Variants in TACC2 observed in about 807,000 individuals in gnomAD.
The protein encoded by TACC2 is transforming acidic coiled-coil-containing protein 2.
Under a neutral mutation model 227.3 loss-of-function variants are expected in TACC2, and 137 were observed. The ratio of observed to expected loss-of-function variants is 0.60; its 90% CI spans 0.52 to 0.69. The LOEUF (loss-of-function observed/expected upper bound fraction) is 0.69, where lower values mean the gene tolerates loss of function less well. Among genes scored for constraint, TACC2 ranks in the 30% least tolerant of loss-of-function variants. The probability of loss-of-function intolerance (pLI) is 0.00; values close to 1 mark genes in which losing one functional copy is unlikely to be tolerated. For missense variants in TACC2, 3,470 were observed against 3,694.4 expected (o/e 0.94, Z 1.57); for synonymous variants, 1,523 against 1,487.5 (o/e 1.02, Z -0.55).
At chr10:122,227,780 A>C in intron 13 of TACC2, 57 bp from the exon 14 acceptor site, 1 of 1,547,960 alleles carries the variant, frequency 6.5e-7, no homozygotes, top group Non-Finnish European at 8.8e-7. Context: ...ATCCTGGTTG[A>C]TTTCAGTGGG....
At chr10:122,164,102 G>C (rs2093001862) in intron 7 of TACC2, 1 of 1,347,318 alleles carries the variant, frequency 7.4e-7, no homozygotes, top group Non-Finnish European at 1.0e-6. Context: ...GCCCAGGCTG[G>C]CCTGGGGTTC....
In TACC2 at chr10:122,083,301, G is replaced by T. The variant is rs768595912; in HGVS notation, c.801G>T (p.Glu267Asp). 6.2e-7 allele frequency: 1 copy of T among 1,613,870 alleles called. No individual in the cohort carries two copies. Among genetic ancestry groups the T allele is most frequent in the African/African-American group, 1.3e-5 (1 of 74,912 alleles). Residue 267 changes from glutamate to aspartate, a missense_variant, in exon 4 of 23, where the codon GAG becomes GAT. This residue lies in a region of TACC2 where 405 missense variants were observed against 389.6 expected (regional missense o/e 1.04). Coordinates refer to ENST00000369005, the MANE Select transcript of TACC2 (RefSeq NM_206862.4). ...GCACAGAAAGCTCAGCGGTCTTGGA[G>T]AAGTCCCCCCTAAAACCCATGGCCC... Reference protein sequence around the residue: ...QQGTESSAVLEKSPLKPMAPI... With the variant: ...QQGTESSAVLDKSPLKPMAPI...
chr10:122,106,546 G>A (rs976853446), intron 5 of TACC2, among the ~76,000 whole-genome samples: 6 of 152,212 alleles, frequency 3.9e-5, no homozygotes. Context: ...CAAATGCATA[G>A]CAAAGCATTA....
intron 2 of TACC2, among the ~76,000 whole-genome samples, chr10:122,041,308 TTTCCCAATA>T (rs142286593): frequency 0.079 from 12,084 of 152,046 alleles, 585 homozygotes; most frequent in East Asian, 0.18. Flanking sequence ...ACAGGGAGCA[TTTCCCAATA>T]TTCCACAGGC....
intron 16 of TACC2, among the ~76,000 whole-genome samples, chr10:122,230,867 C>T (rs1219643781): frequency 2.6e-5 from 4 of 152,036 alleles, no homozygotes; most frequent in Admixed American, 2.6e-4. Flanking sequence ...CTATTTTCTG[C>T]AAGTTAACAT....
At chr10:122,200,184 A>G (rs991907654) in intron 8 of TACC2, among the ~76,000 whole-genome samples, 6 of 152,128 alleles carry the variant, frequency 3.9e-5, no homozygotes, top group African/African-American at 1.4e-4. Context: ...ACCACTGGAG[A>G]TTCTGATGCA....
At chr10:122,059,118 A>C (rs2076526626) in intron 3 of TACC2, among the ~76,000 whole-genome samples, 1 of 145,868 alleles carries the variant, frequency 6.9e-6, no homozygotes, top group Admixed American at 7.1e-5. Flanking sequence ...GGGTTTCACC[A>C]TGTTGGTCAG....
chr10:122,021,177 C>T (rs570936547), intron 1 of TACC2, among the ~76,000 whole-genome samples: 5 of 148,844 alleles, frequency 3.4e-5, no homozygotes, highest in African/African-American at 1.0e-4. Context: ...TGCAGTGAGT[C>T]GAGATCGTGC....
At position 122,152,126 on chromosome 10, in the gene TACC2, A is replaced by C. The variant is rs147964417; in HGVS notation, c.5834+8420A>C. 5.6e-3 allele frequency among the ~76,000 whole-genome samples: 854 copies of C among 152,312 alleles called. 3 individuals carry two copies. The highest frequency in any genetic ancestry group is 9.9e-3 in the Non-Finnish European group (674 of 68,028). On this transcript the variant is annotated intron_variant, in intron 7 of 22. Transcript: ENST00000369005. ...AGTGTTCTCCTGGGCTAAGAGGCAA[A>C]GGATGGTGGCTCTTTGAGGATGACT...
At chr10:122,226,282 T>C in intron 12 of TACC2, 84 bp from the exon 13 acceptor site, 1 of 875,082 alleles carries the variant, frequency 1.1e-6, no homozygotes, top group South Asian at 1.5e-5. Context: ...ATTTGTTCTC[T>C]GTTGAAGAGT....
intron 18 of TACC2, among the ~76,000 whole-genome samples, chr10:122,240,974 G>GAT (rs1195799735): frequency 2.0e-5 from 3 of 152,190 alleles, no homozygotes; most frequent in Non-Finnish European, 4.4e-5. Context: ...AGTGATGCCA[G>GAT]ATGCATGAGA....
At chr10:122,102,790 G>C (rs1442507040) in intron 5 of TACC2, among the ~76,000 whole-genome samples, 1 of 152,174 alleles carries the variant, frequency 6.6e-6, no homozygotes, top group Non-Finnish European at 1.5e-5. Flanking sequence ...TGTGCCCTCA[G>C]GGAAAATGCC....
chr10:122,132,640 G>A lies in TACC2; in HGVS notation c.5605G>A (p.Ala1869Thr), dbSNP rs199955284. Residue 1869 changes from alanine to threonine, a missense_variant, in exon 6 of 23, where the codon GCT becomes ACT. Physicochemically the swap from Ala to Thr is moderately conservative, Grantham distance 58 (BLOSUM62 0). This residue lies in a region of TACC2 where 1,924 missense variants were observed against 1,978.3 expected (regional missense o/e 0.97). Transcript: ENST00000369005. ...TGTGGCAGATGATATCATCCAGCCCGCTGCCCCCGCAGACCTGGAAAGCCC... is the reference window on the plus strand; with the variant it reads ...TGTGGCAGATGATATCATCCAGCCCACTGCCCCCGCAGACCTGGAAAGCCC... ...SPVADDIIQP[A>T]APADLESPTL... 1.3e-4 allele frequency: 205 copies of A among 1,613,952 alleles called. 1 individual carries two copies. Among genetic ancestry groups the A allele is most frequent in the Admixed American group, 2.0e-4 (12 of 59,994 alleles).
At chr10:122,242,091 T>C in intron 19 of TACC2, 90 bp downstream of exon 19, 1 of 1,234,140 alleles carries the variant, frequency 8.1e-7, no homozygotes, top group Non-Finnish European at 1.2e-6. Context: ...CAGAGTGGGT[T>C]TCTGGTAGAG....
At position 122,158,097 on chromosome 10, in the gene TACC2, G is replaced by T. The variant is rs554789631; in HGVS notation, c.5834+14391G>T. On this transcript the variant is annotated intron_variant, in intron 7 of 22. Transcript: ENST00000369005. ...TAATTTGAAAATAAAAGTGAGTCTC[G>T]ACTGGCTGTGAGATTACAGGTGGCT... Among the ~76,000 whole-genome samples the T allele has an allele frequency of 2.0e-5, 3 of 152,058 alleles. No individual in the cohort carries two copies. The East Asian group carries it at 5.8e-4, about 30-fold the overall frequency.
Position 122,194,803 on chromosome 10 carries a change from G to T in TACC2, c.5835-237G>T, listed in dbSNP as rs992071124. On this transcript the variant is annotated intron_variant, in intron 7 of 22. Coordinates refer to ENST00000369005, the MANE Select transcript of TACC2 (RefSeq NM_206862.4). This position sits in a 1 kb window ranked among gnomAD's most constrained non-coding sequence, Gnocchi z 4.4. ...TGTATTTGCCACTAAGGCGAGAAGC[G>T]TGTATTTCCAGTAGAGCCGAGTTCA... Among the ~76,000 whole-genome samples, 1 of 152,234 alleles carries T rather than the reference G, an allele frequency of 6.6e-6. No individual in the cohort carries two copies. The highest frequency in any genetic ancestry group is 2.4e-5 in the African/African-American group (1 of 41,464).
At chr10:122,195,613 T>G (rs537067662) in intron 8 of TACC2, among the ~76,000 whole-genome samples, 1 of 152,304 alleles carries the variant, frequency 6.6e-6, no homozygotes, top group African/African-American at 2.4e-5. Context: ...GGTGGTTTGT[T>G]TATTCCTCAT....
At chr10:122,116,579 C>T (rs953857619) in intron 5 of TACC2, among the ~76,000 whole-genome samples, 6 of 152,118 alleles carry the variant, frequency 3.9e-5, no homozygotes, top group African/African-American at 1.2e-4. Context: ...ACCTGGCTCT[C>T]GAAGCTGGGG....
intron 3 of TACC2, among the ~76,000 whole-genome samples, chr10:122,080,774 C>T (rs902640086): frequency 5.9e-5 from 9 of 152,200 alleles, no homozygotes; most frequent in Non-Finnish European, 1.3e-4. Context: ...AATGCATGTG[C>T]ACTGCCTGGT....
Sources: allele counts gnomAD v4.1 joint callset (sites outside exome capture counted in the v4.1 genomes callset), GRCh38; gene constraint gnomAD v4.1.1; regional missense constraint gnomAD v4.1.1; non-coding constraint Gnocchi (gnomAD v3.1); transcripts MANE v1.5; gene names NCBI Gene and HGNC (gene_info 2026-07-23, HGNC 2026-07-21).